The following MAP2K6 variants were observed in gnomAD, a reference collection of about 807,000 sequenced individuals.
The protein encoded by MAP2K6 is mitogen-activated protein kinase kinase 6.
Under a neutral mutation model 53.7 loss-of-function variants are expected in MAP2K6, and 16 were observed. The ratio of observed to expected loss-of-function variants is 0.30; its 90% CI spans 0.20 to 0.45. The LOEUF is 0.45. Ranked by LOEUF, MAP2K6 falls within the 20% of genes least tolerant of loss-of-function variation. The probability of loss-of-function intolerance (pLI) is 1.00; values close to 1 mark genes in which losing one functional copy is unlikely to be tolerated. For synonymous variants in MAP2K6, 132 were observed against 143.1 expected (o/e 0.92, Z 0.55); for missense variants, 204 against 411.9 (o/e 0.50, Z 4.37).
At chr17:69,438,969 A>G in intron 1 of MAP2K6, among the ~76,000 whole-genome samples, 1 of 152,214 alleles carries the variant, frequency 6.6e-6, no homozygotes, top group East Asian at 1.9e-4. Flanking sequence ...CAGTGTCTAT[A>G]AATAAAGTTT....
rs771404234 is a variant in MAP2K6, at chr17:69,552,067, C to T, written c.*10314C>T. ...GACTTTGTAAGGAAACACAACAACA[C>T]GTTTTCTTACCTTCTGTAAATTTTG... is the stretch of plus-strand genomic sequence containing the variant. On this transcript the variant is annotated 3_prime_UTR_variant, in exon 12 of 12. Transcript: ENST00000590474. 1.2e-4 allele frequency: 18 copies of T among 152,304 alleles called. No homozygotes were observed. The highest frequency in any genetic ancestry group is 1.9e-4 in the East Asian group (1 of 5,190). 9.4% of individuals were successfully genotyped at this position (152,304 alleles called of 1,614,324 possible).
chr17:69,540,358 G>C (rs1911553766), intron 11 of MAP2K6, among the ~76,000 whole-genome samples: 1 of 152,190 alleles, frequency 6.6e-6, no homozygotes, highest in Admixed American at 6.5e-5. Flanking sequence ...AGGCAATCAA[G>C]GGAGTGAGCA....
rs1911992855 is a variant in MAP2K6, at chr17:69,549,055, C to T, written c.*7302C>T. ...TTAATAGAACTTAAAAATACTCAGC[C>T]TAATTCCTTGGGACTTTCAGTATCT... On this transcript the variant is annotated 3_prime_UTR_variant, in exon 12 of 12. Transcript: ENST00000590474. 1 of 152,166 alleles carries T rather than the reference C, an allele frequency of 6.6e-6. No homozygotes were observed. Among genetic ancestry groups the T allele is most frequent in the African/African-American group, 2.4e-5 (1 of 41,442 alleles). The allele number at this position is 152,166 out of a possible 1,614,324, so 9.4% of individuals were successfully genotyped here.
At chr17:69,491,730 G>GTTATTATTATTA (rs55714549) in intron 1 of MAP2K6, among the ~76,000 whole-genome samples, 4,510 of 143,396 alleles carry the variant, frequency 0.031, 156 homozygotes, top group African/African-American at 0.076. Context: ...GCTGGCATCT[G>GTTATTATTATTA]TTATTATTAT....
intron 1 of MAP2K6, among the ~76,000 whole-genome samples, chr17:69,474,627 C>T (rs1908078801): frequency 6.6e-6 from 1 of 152,150 alleles, no homozygotes; most frequent in South Asian, 2.1e-4. Context: ...TTGAAGAAGC[C>T]CTAGAGGATT....
intron 1 of MAP2K6, chr17:69,505,442 CAAAAAAA>C (rs33993512): frequency 2.2e-4 from 25 of 115,774 alleles, no homozygotes; most frequent in South Asian, 4.4e-4. Flanking sequence ...GACTCTGTCT[CAAAAAAA>C]AAAAAAAAAA....
At chr17:69,449,300 A>C (rs1207140655) in intron 1 of MAP2K6, among the ~76,000 whole-genome samples, 2 of 151,862 alleles carry the variant, frequency 1.3e-5, no homozygotes, top group Non-Finnish European at 2.9e-5. Context: ...TATAGTACAT[A>C]AACTATACAT....
intron 1 of MAP2K6, among the ~76,000 whole-genome samples, chr17:69,447,062 C>T (rs895016964): frequency 6.6e-6 from 1 of 151,066 alleles, no homozygotes. Flanking sequence ...ACTGCAACCT[C>T]CGCCTCCCAG....
intron 1 of MAP2K6, among the ~76,000 whole-genome samples, chr17:69,490,688 C>T (rs1908707409): frequency 6.6e-6 from 1 of 151,998 alleles, no homozygotes; most frequent in Admixed American, 6.5e-5. Flanking sequence ...TTACCACAAA[C>T]TTGGTGGTTT....
chr17:69,500,447 CAAAAA>C (rs58712110), intron 1 of MAP2K6, among the ~76,000 whole-genome samples: 5 of 57,630 alleles, frequency 8.7e-5, no homozygotes, highest in Admixed American at 2.4e-4. Flanking sequence ...GACTCTGTCT[CAAAAA>C]AAAAAAAAAA....
rs1341178851 is a variant in MAP2K6, at chr17:69,544,254, T to C, written c.*2501T>C. 6.6e-6 allele frequency: 1 copy of C among 152,230 alleles called. No individual in the cohort carries two copies. The highest frequency in any genetic ancestry group is 1.5e-5 in the Non-Finnish European group (1 of 68,046). 9.4% of individuals were successfully genotyped at this position (152,230 alleles called of 1,614,324 possible). On this transcript the variant is annotated 3_prime_UTR_variant, in exon 12 of 12. Transcript: ENST00000590474. ...ATGTACCTGGGATACTGATAGGAAG[T>C]GTAGAACACCTTTTCCCCAGAGAAG...
intron 1 of MAP2K6, among the ~76,000 whole-genome samples, chr17:69,423,216 C>T (rs1202939477): frequency 6.6e-6 from 1 of 151,788 alleles, no homozygotes; most frequent in African/African-American, 2.4e-5. Flanking sequence ...AGCCCGTGAG[C>T]GAAGATGGTT....
intron 1 of MAP2K6, among the ~76,000 whole-genome samples, chr17:69,490,457 C>G (rs1229266182): frequency 6.6e-6 from 1 of 152,028 alleles, no homozygotes; most frequent in African/African-American, 2.4e-5. Flanking sequence ...CCAAATGCTA[C>G]AGGAGTTAAG....
chr17:69,449,528 T>TCTTTC (rs1907103759), intron 1 of MAP2K6, among the ~76,000 whole-genome samples: 1 of 97,070 alleles, frequency 1.0e-5, no homozygotes, highest in Admixed American at 1.1e-4. Flanking sequence ...TCTTTCTTTC[T>TCTTTC]TTGTCTTTCT....
chr17:69,448,754 C>T (rs147250737), intron 1 of MAP2K6, among the ~76,000 whole-genome samples: 15 of 152,310 alleles, frequency 9.8e-5, no homozygotes, highest in African/African-American at 3.1e-4. Context: ...CTCATCCTGG[C>T]GCTTTGCAGC....
chr17:69,541,079 C>G (rs995788244), intron 11 of MAP2K6, among the ~76,000 whole-genome samples: 4 of 152,066 alleles, frequency 2.6e-5, no homozygotes, highest in African/African-American at 9.7e-5. Context: ...CTGGGTAACA[C>G]AGTGAAACCC....
chr17:69,452,104 G>A (rs933112841), intron 1 of MAP2K6, among the ~76,000 whole-genome samples: 2 of 151,978 alleles, frequency 1.3e-5, no homozygotes, highest in African/African-American at 4.8e-5. Context: ...CCCTAACGCA[G>A]TGCTTCTCAA....
chr17:69,536,676 A>G (rs1366741529), intron 11 of MAP2K6, among the ~76,000 whole-genome samples: 1 of 152,176 alleles, frequency 6.6e-6, no homozygotes, highest in East Asian at 1.9e-4. Context: ...TTTAAATTAT[A>G]CTCCCTCAGC....
At chr17:69,416,268 G>A (rs1305253562) in intron 1 of MAP2K6, among the ~76,000 whole-genome samples, 1 of 152,104 alleles carries the variant, frequency 6.6e-6, no homozygotes, top group East Asian at 1.9e-4. Context: ...AGCAGCCCAA[G>A]AAGGAAGTAG....
Sources: gnomAD v4.1 joint callset for allele counts (sites outside exome capture counted in the v4.1 genomes callset) on GRCh38, gnomAD v4.1.1 for gene constraint, MANE v1.5 for transcripts, NCBI Gene and HGNC (gene_info 2026-07-23, HGNC 2026-07-21) for gene names.